Variants in DISC1 observed in about 807,000 individuals in gnomAD.
The protein encoded by DISC1 is disrupted in schizophrenia 1 protein.
Under a neutral mutation model 84.5 loss-of-function variants are expected in DISC1, and 57 were observed. That is an observed-to-expected ratio of 0.67 (90% CI 0.55 to 0.84). The LOEUF (loss-of-function observed/expected upper bound fraction) is 0.84, where lower values mean the gene tolerates loss of function less well. Among genes scored for constraint, DISC1 ranks in the 40% least tolerant of loss-of-function variants. The pLI is 0.00. For synonymous variants in DISC1, 411 were observed against 415.2 expected (o/e 0.99, Z 0.12); for missense variants, 1,000 against 1,057.8 (o/e 0.95, Z 0.76).
rs999345838 is a variant in DISC1 at position 231,954,419 on chromosome 1, G to A, written c.1982-4409G>A. The stretch of plus-strand genomic sequence containing the variant: ...TGTTAATCCAAGTTTTTGTTTAATT[G>A]GATTCATCAAACTAATTGTATGAAT... On this transcript the variant is annotated intron_variant, in intron 9 of 12. Transcript: ENST00000439617. The surrounding 1 kb of genome is among the most constrained non-coding windows in gnomAD (Gnocchi z 4.8). 6.6e-6 allele frequency among the ~76,000 whole-genome samples: 1 copy of A among 151,976 alleles called. No individual in the cohort carries two copies. Among genetic ancestry groups the A allele is most frequent in the Non-Finnish European group, 1.5e-5 (1 of 68,000 alleles).
chr1:231,788,252 T>G (rs912166863), intron 6 of DISC1, among the ~76,000 whole-genome samples: 3 of 152,130 alleles, frequency 2.0e-5, no homozygotes, highest in Non-Finnish European at 4.4e-5. Flanking sequence ...ACCACTGCAC[T>G]CCAGCCTGGG....
intron 4 of DISC1, among the ~76,000 whole-genome samples, chr1:231,752,349 G>A (rs2074690572): frequency 6.6e-6 from 1 of 152,134 alleles, no homozygotes; most frequent in Admixed American, 6.6e-5. Context: ...GAAGGTGAAA[G>A]GGGAGCACAC....
At chr1:231,812,011 A>G (rs1438464225) in intron 8 of DISC1, among the ~76,000 whole-genome samples, 2 of 152,178 alleles carry the variant, frequency 1.3e-5, no homozygotes, top group Non-Finnish European at 2.9e-5. Flanking sequence ...ACCTCAGGTG[A>G]AGGAAGAACT....
intron 9 of DISC1, among the ~76,000 whole-genome samples, chr1:231,859,987 A>T (rs973155732): frequency 1.3e-5 from 2 of 152,120 alleles, no homozygotes; most frequent in African/African-American, 4.8e-5. Context: ...CAGTTTTCAT[A>T]CTCTGTAAAA....
chr1:231,713,385 A>G (rs2068130964), intron 3 of DISC1, among the ~76,000 whole-genome samples: 1 of 152,180 alleles, frequency 6.6e-6, no homozygotes. Flanking sequence ...CCGAAGAACT[A>G]AAAGAAAACA....
intron 10 of DISC1, among the ~76,000 whole-genome samples, chr1:232,008,247 TG>T (rs1311886246): frequency 2.6e-5 from 4 of 152,208 alleles, no homozygotes; most frequent in Admixed American, 2.6e-4. Context: ...TAATTAGAAT[TG>T]TCATAAATAC....
intron 4 of DISC1, among the ~76,000 whole-genome samples, chr1:231,751,984 A>G (rs924036664): frequency 6.6e-6 from 1 of 152,216 alleles, no homozygotes; most frequent in Admixed American, 6.5e-5. Context: ...TAGGATGAGG[A>G]AACCAGGCCC....
intron 1 of DISC1, among the ~76,000 whole-genome samples, chr1:231,627,226 C>T (rs12096896): frequency 6.6e-6 from 1 of 152,194 alleles, no homozygotes; most frequent in Non-Finnish European, 1.5e-5. Context: ...CGCGCCCCCG[C>T]TGCGTGTCCA....
chr1:231,965,893 C>T (rs1312848345), intron 10 of DISC1, among the ~76,000 whole-genome samples: 1 of 152,240 alleles, frequency 6.6e-6, no homozygotes, highest in Non-Finnish European at 1.5e-5. Flanking sequence ...TAGCCATGTA[C>T]ACGAATGTGT....
chr1:231,719,420 T>C (rs2069280064), intron 3 of DISC1, among the ~76,000 whole-genome samples: 1 of 152,236 alleles, frequency 6.6e-6, no homozygotes. Context: ...CTGATAATTC[T>C]ACTAACAATA....
chr1:231,697,627 T>G (rs978704600), intron 2 of DISC1, among the ~76,000 whole-genome samples: 4 of 148,326 alleles, frequency 2.7e-5, no homozygotes, highest in East Asian at 3.9e-4. Flanking sequence ...TTTTTTTTTT[T>G]GGGTAGAGAT....
intron 9 of DISC1, among the ~76,000 whole-genome samples, chr1:231,955,351 C>T (rs1659250377): frequency 1.3e-5 from 2 of 152,176 alleles, no homozygotes; most frequent in Non-Finnish European, 2.9e-5. Flanking sequence ...CTAAAAACTT[C>T]TGAAATTTAA....
rs185020135 is a variant in DISC1 at position 231,855,035 on chromosome 1, G to A, written c.1981+36518G>A. 1.9e-5 allele frequency: 19 copies of A among 1,015,770 alleles called. No homozygotes were observed. The East Asian group carries it at 2.0e-3, about 106-fold the overall frequency. The allele number at this position is 1,015,770 out of a possible 1,614,324, so 62.9% of individuals were successfully genotyped here. The stretch of plus-strand genomic sequence containing the variant: ...CTGGCCCCTACAATAATTCTTTAAT[G>A]TGAGGAAATATCAAATGAAAAATAA... On this transcript the variant is annotated intron_variant, in intron 9 of 12. Coordinates refer to ENST00000439617, the MANE Select transcript of DISC1 (RefSeq NM_018662.3).
chr1:231,644,945 C>T (rs569726384), intron 1 of DISC1, among the ~76,000 whole-genome samples: 55 of 152,052 alleles, frequency 3.6e-4, no homozygotes, highest in African/African-American at 1.3e-3. Context: ...TTTCTCTTTC[C>T]ATCCTCATCA....
At chr1:232,034,504 C>T (rs1163010497) in intron 12 of DISC1, among the ~76,000 whole-genome samples, 1 of 152,220 alleles carries the variant, frequency 6.6e-6, no homozygotes, top group Non-Finnish European at 1.5e-5. Context: ...TATAGACTAA[C>T]TTCATCCTTT....
At chr1:231,636,547 T>C (rs917533182) in intron 1 of DISC1, among the ~76,000 whole-genome samples, 1 of 152,250 alleles carries the variant, frequency 6.6e-6, no homozygotes, top group African/African-American at 2.4e-5. Flanking sequence ...TTATATATTT[T>C]CTTGACTCTG....
intron 9 of DISC1, among the ~76,000 whole-genome samples, chr1:231,862,805 G>A (rs1290330085): frequency 6.6e-6 from 1 of 152,198 alleles, no homozygotes; most frequent in Non-Finnish European, 1.5e-5. Flanking sequence ...ATGGAGTGAT[G>A]ATGTGATGCT....
At chr1:231,988,141 G>A (rs943187421) in intron 10 of DISC1, among the ~76,000 whole-genome samples, 16 of 152,198 alleles carry the variant, frequency 1.1e-4, no homozygotes, top group Admixed American at 6.5e-4. Flanking sequence ...AGCCGAGATC[G>A]CGCCACTGCA....
intron 10 of DISC1, among the ~76,000 whole-genome samples, chr1:232,000,974 G>A (rs1666607798): frequency 6.6e-6 from 1 of 152,184 alleles, no homozygotes; most frequent in Non-Finnish European, 1.5e-5. Context: ...AGAATAAAAA[G>A]AGTAGAAACA....
Sources: allele counts gnomAD v4.1 joint callset (sites outside exome capture counted in the v4.1 genomes callset), GRCh38; gene constraint gnomAD v4.1.1; non-coding constraint Gnocchi (gnomAD v3.1); transcripts MANE v1.5; gene names NCBI Gene and HGNC (gene_info 2026-07-23, HGNC 2026-07-21).